Variants in CPT1A observed in about 807,000 individuals in gnomAD.
CPT1A encodes carnitine palmitoyltransferase 1A, also known as carnitine O-palmitoyltransferase 1, liver isoform.
Under a neutral mutation model 100.8 loss-of-function variants are expected in CPT1A, and 64 were observed. The observed-to-expected ratio is 0.63, with a 90% CI of 0.52 to 0.78. The LOEUF is 0.78. CPT1A is among the 30% of genes least tolerant of loss of function. CPT1A has a pLI of 0.00. For synonymous variants in CPT1A, 363 were observed against 396.0 expected (o/e 0.92, Z 0.99); for missense variants, 802 against 1,034.1 (o/e 0.78, Z 3.08).
At position 68,820,226 on chromosome 11, in the gene CPT1A, T is replaced by A. The variant is rs573572444; in HGVS notation, c.-13-4739A>T. Among the ~76,000 whole-genome samples, 14 of 152,060 alleles carry A rather than the reference T, an allele frequency of 9.2e-5. No homozygotes were observed. In the South Asian group the frequency reaches 2.1e-3, roughly 23 times the overall value. Reference sequence around the variant, plus strand: ...ATGTATTTTTTTGTAGAGACAGCGTTTCACCACCTTGCCCAGACTGGTCTC... The same window carrying A: ...ATGTATTTTTTTGTAGAGACAGCGTATCACCACCTTGCCCAGACTGGTCTC... On this transcript the variant is annotated intron_variant, in intron 1 of 18. Transcript: ENST00000265641.
chr11:68,782,458 G>A (rs1406451441), intron 10 of CPT1A, among the ~76,000 whole-genome samples: 3 of 152,172 alleles, frequency 2.0e-5, no homozygotes, highest in East Asian at 1.9e-4. Context: ...ACTGAAGCAC[G>A]GAAAGATTAG....
At chr11:68,811,983 CAG>C (rs1374310645) in intron 3 of CPT1A, among the ~76,000 whole-genome samples, 2 of 152,088 alleles carry the variant, frequency 1.3e-5, no homozygotes, top group South Asian at 2.1e-4. Flanking sequence ...ACCATTCTGA[CAG>C]AGTTAAGTGG....
chr11:68,805,465 A>AT (rs917368786), intron 4 of CPT1A, among the ~76,000 whole-genome samples: 1 of 151,562 alleles, frequency 6.6e-6, no homozygotes, highest in African/African-American at 2.4e-5. Flanking sequence ...AAAAAAAAAA[A>AT]TTTGTTTGGC....
intron 4 of CPT1A, among the ~76,000 whole-genome samples, chr11:68,805,082 T>C (rs146593465): frequency 2.1e-4 from 32 of 152,298 alleles, no homozygotes; most frequent in African/African-American, 7.7e-4. Context: ...CCTGAGTCTC[T>C]TCTAGGTGTT....
chr11:68,766,826 GAAAA>G (rs11306055), intron 14 of CPT1A, among the ~76,000 whole-genome samples: 1 of 138,436 alleles, frequency 7.2e-6, no homozygotes. Flanking sequence ...TATCAAGGAG[GAAAA>G]AAAAAAAAAA....
chr11:68,762,663 G>A lies in CPT1A; in HGVS notation c.1839C>T (p.Cys613=), dbSNP rs577426394. The A allele has an allele frequency of 1.6e-5, 26 of 1,613,890 alleles. No homozygotes were observed. In the African/African-American group the frequency reaches 2.0e-4, roughly 12 times the overall value. The change falls in exon 15 of 19, where the codon TGC becomes TGT. Residue 613 remains cysteine (C), a synonymous_variant. Coordinates refer to ENST00000265641, the MANE Select transcript of CPT1A (RefSeq NM_001876.4). ...GGTCCACCATGGCCCGCACGAAGTCGCATGACTCAGTGGTGCAGGAGCGCA... is the reference window on the plus strand; with the variant it reads ...GGTCCACCATGGCCCGCACGAAGTCACATGACTCAGTGGTGCAGGAGCGCA... ...ETVRSCTTES[C]DFVRAMVDPA... is the part of the protein sequence containing the mutation.
chr11:68,789,972 T>C (rs1323318382), intron 9 of CPT1A, among the ~76,000 whole-genome samples: 3 of 152,212 alleles, frequency 2.0e-5, no homozygotes, highest in Non-Finnish European at 4.4e-5. Flanking sequence ...GATTTTTCCG[T>C]TGTTGTAATG....
intron 6 of CPT1A, among the ~76,000 whole-genome samples, chr11:68,798,404 C>T (rs1164406745): frequency 2.6e-5 from 4 of 152,218 alleles, no homozygotes; most frequent in Admixed American, 1.3e-4. Context: ...CACCATGCCA[C>T]GTCTAGCGCC....
chr11:68,769,881 T>C (rs963619916), intron 14 of CPT1A, among the ~76,000 whole-genome samples: 2 of 152,106 alleles, frequency 1.3e-5, no homozygotes, highest in African/African-American at 2.4e-5. Context: ...AAACTCCGTC[T>C]CTACTAAAGA....
Position 68,831,882 on chromosome 11 carries a change from C to G in CPT1A, c.-14+9893G>C, listed in dbSNP as rs554041851. ...TCCTGACCCCAAGCGATCCGTCTGCCTTGGCCTCCTAAAGTGCTGGGATTA... is the reference window on the plus strand; with the variant it reads ...TCCTGACCCCAAGCGATCCGTCTGCGTTGGCCTCCTAAAGTGCTGGGATTA... On this transcript the variant is annotated intron_variant, in intron 1 of 18. Coordinates refer to ENST00000265641, the MANE Select transcript of CPT1A (RefSeq NM_001876.4). 1.8e-4 allele frequency among the ~76,000 whole-genome samples: 28 copies of G among 152,230 alleles called. No individual in the cohort carries two copies. The South Asian group carries it at 3.9e-3, about 21-fold the overall frequency.
Position 68,784,865 on chromosome 11 carries a change from C to A in CPT1A, c.1113G>T (p.Ser371=). The A allele has an allele frequency of 6.2e-7, 1 of 1,613,642 alleles. No individual in the cohort carries two copies. The highest frequency in any genetic ancestry group is 8.5e-7 in the Non-Finnish European group (1 of 1,180,026). ...GCCTGGCCTCCCCGGGCTGAGGCTC[C>A]GAGGTATTGTCCAGGATCCTCTGCA... The part of the protein sequence containing the change: ...QQMQRILDNT[S]EPQPGEARLA... Residue 371 remains serine (S), a synonymous_variant, in exon 10 of 19, where the codon TCG becomes TCT. Coordinates refer to ENST00000265641, the MANE Select transcript of CPT1A (RefSeq NM_001876.4).
rs1857155956 is a variant in CPT1A at position 68,841,380 on chromosome 11, C to T, written c.-14+395G>A. 1.3e-5 allele frequency among the ~76,000 whole-genome samples: 2 copies of T among 152,082 alleles called. No homozygotes were observed. Among genetic ancestry groups the T allele is most frequent in the Non-Finnish European group, 2.9e-5 (2 of 67,988 alleles). On this transcript the variant is annotated intron_variant, in intron 1 of 18. Transcript: ENST00000265641. This position sits in a 1 kb window ranked among gnomAD's most constrained non-coding sequence, Gnocchi z 6.3. The stretch of plus-strand genomic sequence containing the variant: ...CAGGCTGACCGACCCCTGGGCAGAC[C>T]CTCAGACTCAATCCAGTCCAGGGCG...
At chr11:68,772,015 T>C (rs2153996624) in intron 14 of CPT1A, among the ~76,000 whole-genome samples, 1 of 152,142 alleles carries the variant, frequency 6.6e-6, no homozygotes, top group South Asian at 2.1e-4. Flanking sequence ...TTACCAAGGT[T>C]GGGGGGGCAG....
At chr11:68,769,027 T>A (rs1854907234) in intron 14 of CPT1A, among the ~76,000 whole-genome samples, 1 of 152,220 alleles carries the variant, frequency 6.6e-6, no homozygotes, top group Non-Finnish European at 1.5e-5. Context: ...CTACACTCAT[T>A]GACCGTATTT....
intron 2 of CPT1A, among the ~76,000 whole-genome samples, chr11:68,814,801 C>T (rs1216540366): frequency 6.6e-6 from 1 of 152,136 alleles, no homozygotes; most frequent in Non-Finnish European, 1.5e-5. Flanking sequence ...ATCCTCCCAC[C>T]TCAGCCTCCT....
intron 18 of CPT1A, 67 bp downstream of exon 18, chr11:68,759,502 G>A (rs1946759888): frequency 1.9e-6 from 2 of 1,028,672 alleles, no homozygotes; most frequent in Admixed American, 3.5e-5. Context: ...TTAAAGATGT[G>A]TTTCCTTAAA....
At chr11:68,834,108 T>G (rs1338144946) in intron 1 of CPT1A, among the ~76,000 whole-genome samples, 1 of 152,200 alleles carries the variant, frequency 6.6e-6, no homozygotes, top group Non-Finnish European at 1.5e-5. Flanking sequence ...ACTATTCACA[T>G]TTATGGGGTC....
At chr11:68,783,412 G>C (rs1288637609) in intron 10 of CPT1A, among the ~76,000 whole-genome samples, 4 of 152,052 alleles carry the variant, frequency 2.6e-5, no homozygotes, top group Admixed American at 6.6e-5. Context: ...GCTCCTGCCT[G>C]CTCTGCTACC....
chr11:68,840,798 A>G (rs2154003287), intron 1 of CPT1A, among the ~76,000 whole-genome samples: 1 of 152,334 alleles, frequency 6.6e-6, no homozygotes, highest in South Asian at 2.1e-4. Context: ...GGTGGCTCCG[A>G]GAAGGGGCTG....
Sources: gnomAD v4.1 joint callset for allele counts (sites outside exome capture counted in the v4.1 genomes callset) on GRCh38, gnomAD v4.1.1 for gene constraint, Gnocchi (gnomAD v3.1) non-coding constraint, MANE v1.5 for transcripts, NCBI Gene and HGNC (gene_info 2026-07-23, HGNC 2026-07-21) for gene names.